Variants in MCM9 observed in about 807,000 individuals in gnomAD.
MCM9 encodes DNA helicase MCM9.
In MCM9, 55 loss-of-function variants were observed where a neutral mutation model predicts 72.8. That is an observed-to-expected ratio of 0.76 (90% confidence interval 0.61 to 0.95). The LOEUF (loss-of-function observed/expected upper bound fraction) is 0.95. MCM9 is among the 40% of genes least tolerant of loss of function. The pLI is 0.00. For synonymous variants in MCM9, 480 were observed against 503.4 expected (o/e 0.95, Z 0.62); for missense variants, 1,279 against 1,377.0 (o/e 0.93, Z 1.13).
intron 9 of MCM9, among the ~76,000 whole-genome samples, chr6:118,848,182 T>C (rs1775999507): frequency 6.6e-6 from 1 of 151,814 alleles, no homozygotes; most frequent in Non-Finnish European, 1.5e-5. Context: ...AGTAAGTAAA[T>C]GCTATTTGTT....
intron 8 of MCM9, among the ~76,000 whole-genome samples, chr6:118,887,711 T>C (rs752807473): frequency 2.0e-5 from 3 of 151,372 alleles, no homozygotes; most frequent in Non-Finnish European, 4.4e-5. Context: ...TAGAGAAACT[T>C]CTTGCAAATC....
At chr6:118,889,211 C>T (rs1778793740) in intron 8 of MCM9, among the ~76,000 whole-genome samples, 1 of 152,136 alleles carries the variant, frequency 6.6e-6, no homozygotes, top group Non-Finnish European at 1.5e-5. Flanking sequence ...AAATTTCTAC[C>T]AATTAATTAC....
chr6:118,890,965 G>A (rs1017586711), intron 8 of MCM9, among the ~76,000 whole-genome samples: 1 of 152,146 alleles, frequency 6.6e-6, no homozygotes, highest in Non-Finnish European at 1.5e-5. Context: ...GATAACTTTT[G>A]CAGTAGACAC....
intron 9 of MCM9, among the ~76,000 whole-genome samples, chr6:118,840,850 A>G (rs960826188): frequency 4.8e-5 from 7 of 145,468 alleles, no homozygotes; most frequent in African/African-American, 7.7e-5. Flanking sequence ...CAAACCTCCC[A>G]TCTCAGCCTC....
At position 118,894,676 on chromosome 6, in the gene MCM9, GC is replaced by G. The variant is rs768144642; in HGVS notation, c.1150+16973del. Among the ~76,000 whole-genome samples the G allele has an allele frequency of 1.7e-4, 26 of 152,348 alleles. No homozygotes were observed. The East Asian group carries it at 2.1e-3, about 12-fold the overall frequency. On this transcript the variant is annotated intron_variant, in intron 8 of 13. Coordinates refer to ENST00000619706, the MANE Select transcript of MCM9 (RefSeq NM_017696.3). ...AACTTGAAGTTGATGGACGACGGCC[GC>G]CGAGGCGCGCGCGGCTTTCCGCCGC... is the stretch of plus-strand genomic sequence containing the variant.
chr6:118,929,365 T>G (rs202187573), intron 3 of MCM9, among the ~76,000 whole-genome samples: 1 of 152,244 alleles, frequency 6.6e-6, no homozygotes, highest in East Asian at 1.9e-4. Flanking sequence ...ACTATATAGC[T>G]GTCTGCCATA....
At chr6:118,894,531 G>A in intron 8 of MCM9, 1 of 1,534,348 alleles carries the variant, frequency 6.5e-7, no homozygotes, top group Non-Finnish European at 8.7e-7. Flanking sequence ...AGGTGAGTGC[G>A]GCGCCCGTGC....
At chr6:118,861,920 T>C (rs1333387312) in intron 8 of MCM9, among the ~76,000 whole-genome samples, 1 of 152,114 alleles carries the variant, frequency 6.6e-6, no homozygotes, top group African/African-American at 2.4e-5. Context: ...ATGCCATCCA[T>C]GTTGCCCAGG....
At chr6:118,922,564 A>G (rs928510760) in intron 4 of MCM9, among the ~76,000 whole-genome samples, 1 of 152,222 alleles carries the variant, frequency 6.6e-6, no homozygotes, top group Non-Finnish European at 1.5e-5. Flanking sequence ...GTCATATGAT[A>G]GAACTCTGAC....
Position 118,901,012 on chromosome 6 carries a change from GT to G in MCM9, c.1150+10637del. Reference sequence around the variant, plus strand: ...CTTCTGCTGCATTCACTTTAAATCTGTTTCCATCATGTTTTAGGCAGTCTCT... The same window carrying G: ...CTTCTGCTGCATTCACTTTAAATCTGTTCCATCATGTTTTAGGCAGTCTCT... On this transcript the variant is annotated intron_variant, in intron 8 of 13. Coordinates refer to ENST00000619706, the MANE Select transcript of MCM9 (RefSeq NM_017696.3). 6.1e-6 allele frequency: 4 copies of G among 652,748 alleles called. 1 individual carries two copies. Among genetic ancestry groups the G allele is most frequent in the South Asian group, 4.0e-5 (2 of 50,054 alleles). 40.4% of individuals were successfully genotyped at this position (652,748 alleles called of 1,614,324 possible).
intron 8 of MCM9, among the ~76,000 whole-genome samples, chr6:118,901,650 C>CA (rs1484012083): frequency 6.6e-6 from 1 of 152,128 alleles, no homozygotes; most frequent in Non-Finnish European, 1.5e-5. Flanking sequence ...TGGAACCATT[C>CA]AGTTATTCCT....
intron 8 of MCM9, among the ~76,000 whole-genome samples, chr6:118,857,587 A>G (rs1238933476): frequency 7.0e-6 from 1 of 142,326 alleles, no homozygotes; most frequent in Non-Finnish European, 1.5e-5. Flanking sequence ...AAGAATAACT[A>G]TTGTTGATAA....
At chr6:118,884,855 C>T (rs1778500614) in intron 8 of MCM9, among the ~76,000 whole-genome samples, 1 of 152,060 alleles carries the variant, frequency 6.6e-6, no homozygotes, top group South Asian at 2.1e-4. Context: ...AAATCATCAA[C>T]TCATAAGGAT....
chr6:118,895,957 A>G (rs758867928), intron 8 of MCM9, among the ~76,000 whole-genome samples: 2 of 152,026 alleles, frequency 1.3e-5, no homozygotes, highest in Non-Finnish European at 2.9e-5. Flanking sequence ...GTACAGGCAT[A>G]TATAAAGTTA....
intron 8 of MCM9, among the ~76,000 whole-genome samples, chr6:118,898,840 G>A (rs182323522): frequency 6.6e-6 from 1 of 152,288 alleles, no homozygotes; most frequent in Admixed American, 6.5e-5. Context: ...CACTTGTTTT[G>A]TAACTTAATT....
intron 9 of MCM9, among the ~76,000 whole-genome samples, chr6:118,831,543 C>G (rs1040894390): frequency 2.0e-5 from 3 of 152,010 alleles, no homozygotes; most frequent in Non-Finnish European, 4.4e-5. Flanking sequence ...CCAGGACAGA[C>G]AGGGTGGTCT....
intron 9 of MCM9, among the ~76,000 whole-genome samples, chr6:118,836,147 C>T (rs1000933501): frequency 2.6e-5 from 4 of 152,130 alleles, no homozygotes; most frequent in East Asian, 1.9e-4. Context: ...TGATGGATTA[C>T]GTTTATTGAT....
At chr6:118,905,852 T>A in intron 8 of MCM9, 2 of 1,525,390 alleles carry the variant, frequency 1.3e-6, no homozygotes, top group Non-Finnish European at 1.8e-6. Flanking sequence ...TATTCCTTTT[T>A]AACTACTTTT....
Position 118,917,556 on chromosome 6 carries a change from CA to C in MCM9, c.904+4del, listed in dbSNP as rs781508191. 2 of 1,613,776 alleles carry C rather than the reference CA, an allele frequency of 1.2e-6. No homozygotes were observed. The highest frequency in any genetic ancestry group is 4.5e-5 in the East Asian group (2 of 44,892). On this transcript the variant is annotated splice_donor_region_variant and intron_variant, in intron 6 of 13. Transcript: ENST00000619706. ...AATAATCAGTTTTAGCCCTTAAACACAAACCTGCAAAGGGATCGCTCTTATA... is the reference window on the plus strand; with the variant it reads ...AATAATCAGTTTTAGCCCTTAAACACAACCTGCAAAGGGATCGCTCTTATA...
Sources: gnomAD v4.1 joint callset for allele counts (sites outside exome capture counted in the v4.1 genomes callset) on GRCh38, gnomAD v4.1.1 for gene constraint, MANE v1.5 for transcripts, NCBI Gene and HGNC (gene_info 2026-07-23, HGNC 2026-07-21) for gene names.